Variants in SOX5 observed in about 807,000 individuals in gnomAD.
SOX5 encodes the protein transcription factor SOX-5.
A neutral mutation model predicts 92.0 loss-of-function variants in SOX5; 9 were observed. That is an observed-to-expected ratio of 0.10 (90% confidence interval 0.06 to 0.17). The LOEUF (loss-of-function observed/expected upper bound fraction) is 0.17, where lower values mean the gene tolerates loss of function less well. SOX5 is among the 10% of genes least tolerant of loss of function. The pLI is 1.00. For missense variants in SOX5, 642 were observed against 944.5 expected, an observed-to-expected ratio of 0.68 and a Z score of 4.20; for synonymous variants, 344 against 336.3, an observed-to-expected ratio of 1.02 and a Z score of -0.25.
At chr12:24,414,012 A>C (rs1455166673) in intron 1 of SOX5, among the ~76,000 whole-genome samples, 1 of 152,214 alleles carries the variant, frequency 6.6e-6, no homozygotes, top group Non-Finnish European at 1.5e-5. Flanking sequence ...TGTAGCTCTG[A>C]GTGATAGACT....
chr12:24,225,895 G>A lies in SOX5; in HGVS notation c.-76-12478C>T, dbSNP rs558667983. Among the ~76,000 whole-genome samples the A allele has an allele frequency of 8.5e-5, 13 of 152,278 alleles. No individual in the cohort carries two copies. In the South Asian group the frequency reaches 2.7e-3, roughly 32 times the overall value. On this transcript the variant is annotated intron_variant, in intron 3 of 4. Transcript: ENST00000446891. ...TCGTCTCTCGCCAAAAGGGATGGTA[G>A]GAGAAAAGGAGAAGGAATTCCTGTT... is the stretch of plus-strand genomic sequence containing the variant.
chr12:24,311,961 CAA>C (rs1949222062), intron 2 of SOX5, among the ~76,000 whole-genome samples: 2 of 152,054 alleles, frequency 1.3e-5, no homozygotes, highest in Non-Finnish European at 2.9e-5. Flanking sequence ...AAAAATCAAA[CAA>C]GAGTTTTATG....
At chr12:23,586,195 A>G (rs1950707170) in intron 9 of SOX5, among the ~76,000 whole-genome samples, 1 of 152,134 alleles carries the variant, frequency 6.6e-6, no homozygotes, top group Admixed American at 6.6e-5. Context: ...AACCTCGAGT[A>G]AGACAACAAG....
intron 4 of SOX5, among the ~76,000 whole-genome samples, chr12:24,001,887 C>G (rs1443228421): frequency 6.6e-6 from 1 of 152,004 alleles, no homozygotes; most frequent in African/African-American, 2.4e-5. Flanking sequence ...CCACTGGAGC[C>G]CATGAGTTCA....
chr12:24,090,028 C>T (rs759304092), intron 4 of SOX5, among the ~76,000 whole-genome samples: 2 of 152,036 alleles, frequency 1.3e-5, no homozygotes, highest in Non-Finnish European at 2.9e-5. Flanking sequence ...TAAGAATGAA[C>T]CAGTATTCTT....
At chr12:23,957,139 C>T (rs937411834) in intron 4 of SOX5, among the ~76,000 whole-genome samples, 4 of 152,118 alleles carry the variant, frequency 2.6e-5, no homozygotes, top group African/African-American at 9.7e-5. Context: ...TTGTAGTTGA[C>T]AGTTTATTTT....
At chr12:23,748,038 G>A (rs940761056) in intron 4 of SOX5, among the ~76,000 whole-genome samples, 1 of 150,312 alleles carries the variant, frequency 6.7e-6, no homozygotes, top group African/African-American at 2.4e-5. Flanking sequence ...GAGGGCCTTC[G>A]CTGACCACTG....
intron 2 of SOX5, among the ~76,000 whole-genome samples, chr12:24,334,701 T>C (rs12824093): frequency 0.23 from 35,169 of 152,044 alleles, 5,155 homozygotes; most frequent in Non-Finnish European, 0.33. Flanking sequence ...TGCATACAGA[T>C]ATAATTTACA....
intron 1 of SOX5, among the ~76,000 whole-genome samples, chr12:24,499,967 A>G (rs1159001228): frequency 6.6e-6 from 1 of 152,138 alleles, no homozygotes; most frequent in Non-Finnish European, 1.5e-5. Flanking sequence ...AATGTGACTC[A>G]TCTCTTTGGA....
chr12:24,445,882 A>G (rs1941394068), intron 1 of SOX5, among the ~76,000 whole-genome samples: 1 of 152,112 alleles, frequency 6.6e-6, no homozygotes. Context: ...TTCTCTCTCT[A>G]TGGAGGAAAT....
chr12:24,023,287 T>C lies in SOX5; in HGVS notation c.-1-127263A>G, dbSNP rs187982389. The stretch of plus-strand genomic sequence containing the variant: ...CTTTCTGAGGATTATTCTTCAAGTT[T>C]CTTCTTAAAGCCACTTCATTTCCTT... On this transcript the variant is annotated intron_variant, in intron 4 of 4. Coordinates refer to the SOX5 transcript ENST00000446891. Among the ~76,000 whole-genome samples the C allele has an allele frequency of 9.2e-5, 14 of 152,260 alleles. No homozygotes were observed. The East Asian group carries it at 1.4e-3, about 15-fold the overall frequency.
intron 2 of SOX5, among the ~76,000 whole-genome samples, chr12:24,302,971 T>C (rs916951173): frequency 1.1e-4 from 17 of 151,838 alleles, no homozygotes; most frequent in Non-Finnish European, 2.5e-4. Context: ...CTGAAAATAA[T>C]GCACACTCAA....
chr12:23,869,490 C>T (rs563664640), intron 2 of SOX5, among the ~76,000 whole-genome samples: 2 of 152,252 alleles, frequency 1.3e-5, no homozygotes, highest in African/African-American at 4.8e-5. Context: ...TACCCTTTCA[C>T]TGAAACCCCA....
At chr12:23,621,751 G>T (rs1592665957) in intron 8 of SOX5, among the ~76,000 whole-genome samples, 1 of 152,240 alleles carries the variant, frequency 6.6e-6, no homozygotes, top group East Asian at 1.9e-4. Context: ...ACCAAATCCA[G>T]TAATGCCTTC....
In SOX5 at chr12:24,322,594, T is replaced by C. The variant is rs530770099; in HGVS notation, c.-173-45282A>G. Among the ~76,000 whole-genome samples the C allele has an allele frequency of 3.3e-5, 5 of 152,282 alleles. No homozygotes were observed. The South Asian group carries it at 8.3e-4, about 25-fold the overall frequency. ...TCTTGTAAAAAGTCTGAAACTGTTATGTTGGTGTCTCAGTGAGCTGACGTT... is the reference window on the plus strand; with the variant it reads ...TCTTGTAAAAAGTCTGAAACTGTTACGTTGGTGTCTCAGTGAGCTGACGTT... On this transcript the variant is annotated intron_variant, in intron 2 of 4. Transcript: ENST00000446891.
chr12:23,962,724 A>G (rs78166026), intron 4 of SOX5, among the ~76,000 whole-genome samples: 2,178 of 152,302 alleles, frequency 0.014, 30 homozygotes, highest in Non-Finnish European at 0.021. Context: ...GTGATCAAAT[A>G]TGCAATTGCC....
chr12:24,126,195 C>A (rs1314718561), intron 4 of SOX5, among the ~76,000 whole-genome samples: 1 of 152,198 alleles, frequency 6.6e-6, no homozygotes. Flanking sequence ...CATATCCACT[C>A]CCTTGTTTTG....
intron 3 of SOX5, among the ~76,000 whole-genome samples, chr12:23,763,471 C>A (rs2141370673): frequency 6.6e-6 from 1 of 152,166 alleles, no homozygotes; most frequent in East Asian, 1.9e-4. Flanking sequence ...ATGAAATAAC[C>A]ACCTACTATT....
intron 1 of SOX5, among the ~76,000 whole-genome samples, chr12:23,909,857 C>T (rs1462430206): frequency 5.3e-5 from 8 of 151,564 alleles, no homozygotes; most frequent in Admixed American, 5.3e-4. Context: ...TACCCAAACA[C>T]CCCCATTCCA....
Sources: allele counts gnomAD v4.1 joint callset (sites outside exome capture counted in the v4.1 genomes callset), GRCh38; gene constraint gnomAD v4.1.1; transcripts MANE v1.5; gene names NCBI Gene and HGNC (gene_info 2026-07-23, HGNC 2026-07-21).